Variants in TENM3 observed in about 807,000 individuals in gnomAD.
TENM3 encodes the protein teneurin transmembrane protein 3.
A neutral mutation model predicts 255.1 loss-of-function variants in TENM3; 63 were observed. The observed-to-expected ratio is 0.25, with a 90% CI of 0.20 to 0.30. TENM3 has a LOEUF of 0.30. Among genes scored for constraint, TENM3 ranks in the 10% least tolerant of loss-of-function variants. The pLI is 1.00. For synonymous variants in TENM3, 1,306 were observed against 1,322.3 expected (o/e 0.99, Z 0.27); for missense variants, 2,929 against 3,461.1 (o/e 0.85, Z 3.86).
chr4:182,225,648 A>G (rs1173535175), intron 1 of TENM3, among the ~76,000 whole-genome samples: 6 of 152,218 alleles, frequency 3.9e-5, no homozygotes, highest in Admixed American at 3.9e-4. Context: ...GTTGAGGGAA[A>G]GAGGAACTGC....
chr4:181,502,357 G>T, the TENM3 span, among the ~76,000 whole-genome samples: 3 of 152,160 alleles, frequency 2.0e-5, no homozygotes, highest in South Asian at 6.2e-4. Context: ...TGCTGTGGGT[G>T]GTGGAGAGGG....
intron 1 of TENM3, among the ~76,000 whole-genome samples, chr4:182,156,001 C>A (rs1212679903): frequency 7.1e-6 from 1 of 141,270 alleles, no homozygotes; most frequent in Non-Finnish European, 1.5e-5. Context: ...GTCTCCACAG[C>A]TGTTTGAGGA....
At chr4:182,494,503 A>G (rs766978881) in intron 3 of TENM3, among the ~76,000 whole-genome samples, 9 of 152,326 alleles carry the variant, frequency 5.9e-5, no homozygotes, top group Middle Eastern at 3.4e-3. Flanking sequence ...CAAAGCAAGT[A>G]TATATAGCGT....
intron 24 of TENM3, among the ~76,000 whole-genome samples, chr4:182,786,673 G>A (rs907260360): frequency 6.6e-6 from 1 of 152,024 alleles, no homozygotes; most frequent in Admixed American, 6.5e-5. Context: ...CTCCAACCAG[G>A]GGAAATACCG....
the TENM3 span, among the ~76,000 whole-genome samples, chr4:181,756,931 G>T: frequency 6.6e-6 from 1 of 152,134 alleles, no homozygotes; most frequent in Non-Finnish European, 1.5e-5. Flanking sequence ...TAATATACAT[G>T]TGTGATTCAT....
the TENM3 span, among the ~76,000 whole-genome samples, chr4:181,647,489 T>C: frequency 2.0e-5 from 3 of 152,206 alleles, no homozygotes; most frequent in Admixed American, 6.5e-5. Flanking sequence ...GCAATATGTG[T>C]GATATTCTCA....
the TENM3 span, among the ~76,000 whole-genome samples, chr4:181,521,867 C>T: frequency 3.0e-3 from 455 of 152,042 alleles, 2 homozygotes; most frequent in South Asian, 4.4e-3. Flanking sequence ...AAGGCCAAGA[C>T]GGGCAGATCA....
chr4:182,198,625 C>A (rs1753977143), intron 1 of TENM3, among the ~76,000 whole-genome samples: 1 of 152,198 alleles, frequency 6.6e-6, no homozygotes, highest in Non-Finnish European at 1.5e-5. Context: ...ATGAAGCTGA[C>A]AGGAAAAGTC....
chr4:181,560,829 C>G, the TENM3 span, among the ~76,000 whole-genome samples: 12 of 152,310 alleles, frequency 7.9e-5, no homozygotes, highest in African/African-American at 2.9e-4. Context: ...AGCTCTTTCT[C>G]TGCTCACGGT....
At chr4:182,564,154 C>A (rs1250997348) in intron 3 of TENM3, among the ~76,000 whole-genome samples, 2 of 152,096 alleles carry the variant, frequency 1.3e-5, no homozygotes, top group Non-Finnish European at 2.9e-5. Context: ...CTTTTTGAAC[C>A]ATTGGATAGG....
At chr4:181,853,311 A>G in the TENM3 span, among the ~76,000 whole-genome samples, 1 of 152,200 alleles carries the variant, frequency 6.6e-6, no homozygotes, top group South Asian at 2.1e-4. Flanking sequence ...ATTCAAACCA[A>G]AGTATTTTGC....
the TENM3 span, among the ~76,000 whole-genome samples, chr4:181,918,531 T>G: frequency 1.3e-5 from 2 of 152,208 alleles, no homozygotes; most frequent in African/African-American, 4.8e-5. Flanking sequence ...ACAATAAGTT[T>G]AAAAGTCATA....
intron 15 of TENM3, 72 bp downstream of exon 15, chr4:182,730,391 A>G (rs1308625119): frequency 1.3e-6 from 2 of 1,548,004 alleles, no homozygotes; most frequent in South Asian, 1.2e-5. Flanking sequence ...TACCACTGTC[A>G]TGTTTGACTG....
chr4:181,847,760 GATTAAGAAT>G, the TENM3 span, among the ~76,000 whole-genome samples: 5 of 151,690 alleles, frequency 3.3e-5, no homozygotes, highest in Non-Finnish European at 7.4e-5. Context: ...ATCTAATATT[GATTAAGAAT>G]ATTAACTTTC....
chr4:182,045,467 C>T, the TENM3 span, among the ~76,000 whole-genome samples: 1 of 149,958 alleles, frequency 6.7e-6, no homozygotes, highest in Non-Finnish European at 1.5e-5. Flanking sequence ...TACGAAAGAA[C>T]AGGAACAGAA....
chr4:181,881,138 A>T, the TENM3 span, among the ~76,000 whole-genome samples: 31 of 152,226 alleles, frequency 2.0e-4, no homozygotes, highest in African/African-American at 7.5e-4. Context: ...AGGATAATTC[A>T]TCTCTACTTT....
At chr4:182,551,112 C>T (rs1442134950) in intron 3 of TENM3, among the ~76,000 whole-genome samples, 1 of 151,386 alleles carries the variant, frequency 6.6e-6, no homozygotes, top group East Asian at 1.9e-4. Flanking sequence ...ATCCTAGCTA[C>T]TCAGGAGACT....
At chr4:182,771,501 G>GC (rs908928880) in intron 22 of TENM3, among the ~76,000 whole-genome samples, 9 of 148,868 alleles carry the variant, frequency 6.0e-5, no homozygotes, top group African/African-American at 1.7e-4. Flanking sequence ...TCTGAAATGG[G>GC]GGGGGGGGAA....
the TENM3 span, among the ~76,000 whole-genome samples, chr4:181,489,659 G>A: frequency 1.2e-3 from 177 of 152,244 alleles, 7 homozygotes; most frequent in South Asian, 0.029. Context: ...ATGTGTACAT[G>A]CATGTGTGTG....
Sources: gnomAD v4.1 joint callset for allele counts (sites outside exome capture counted in the v4.1 genomes callset) on GRCh38, gnomAD v4.1.1 for gene constraint, MANE v1.5 for transcripts, NCBI Gene and HGNC (gene_info 2026-07-23, HGNC 2026-07-21) for gene names.